Variants in CDH2 observed in about 807,000 individuals in gnomAD.
CDH2 encodes the protein cadherin 2, also known as cadherin-2.
CDH2 carries 17 observed loss-of-function variants against 92.0 expected under a neutral mutation model. The observed-to-expected ratio is 0.18, with a 90% CI of 0.13 to 0.28. CDH2 has a LOEUF of 0.28. Ranked by LOEUF, CDH2 falls within the 10% of genes least tolerant of loss-of-function variation. The probability of loss-of-function intolerance (pLI) is 1.00; values close to 1 mark genes in which losing one functional copy is unlikely to be tolerated. For synonymous variants in CDH2, 419 were observed against 415.9 expected (o/e 1.01, Z -0.09); for missense variants, 862 against 1,133.1 (o/e 0.76, Z 3.44).
chr18:27,988,663 G>A lies in CDH2; in HGVS notation c.1602C>T (p.Tyr534=). Reference sequence around the variant, plus strand: ...AATTGGCAGGATCAGATAATTTAGTGTATCTACAAAATGAAAGTGAAGTTT... The same window carrying A: ...AATTGGCAGGATCAGATAATTTAGTATATCTACAAAATGAAAGTGAAGTTT... The part of the protein sequence containing the change: ...PDRYMQQNIR[Y]TKLSDPANWL... The change falls in exon 11 of 16, where the codon TAC becomes TAT. Residue 534 remains tyrosine (Y), a synonymous_variant. Transcript: ENST00000269141. The A allele has an allele frequency of 2.5e-6, 4 of 1,592,614 alleles. No individual in the cohort carries two copies. The highest frequency in any genetic ancestry group is 3.4e-6 in the Non-Finnish European group (4 of 1,163,294).
intron 10 of CDH2, 28 bp from the exon 11 acceptor site, chr18:27,988,694 C>A: frequency 6.6e-7 from 1 of 1,525,650 alleles, no homozygotes; most frequent in Admixed American, 1.8e-5. Flanking sequence ...AGTTTAATTT[C>A]TTTTTATGAA....
At chr18:28,143,949 A>G (rs948015704) in intron 2 of CDH2, among the ~76,000 whole-genome samples, 17 of 152,078 alleles carry the variant, frequency 1.1e-4, no homozygotes, top group Non-Finnish European at 1.3e-4. Context: ...TTGAAATATG[A>G]GAACACATGG....
Position 28,003,174 on chromosome 18 carries a change from A to T in CDH2, c.848-5T>A, listed in dbSNP as rs1465587161. ...TTACGGTCATCACATATGTTCCTAG[A>T]GACAGTGTACATGGAAAATGAATGG... On this transcript the variant is annotated splice_polypyrimidine_tract_variant and splice_region_variant and intron_variant, in intron 6 of 15. Coordinates refer to ENST00000269141, the MANE Select transcript of CDH2 (RefSeq NM_001792.5). 7 of 1,609,776 alleles carry T rather than the reference A, an allele frequency of 4.3e-6. No individual in the cohort carries two copies. Among genetic ancestry groups the T allele is most frequent in the Non-Finnish European group, 6.0e-6 (7 of 1,176,376 alleles).
At chr18:28,108,987 T>C (rs149949285) in intron 2 of CDH2, among the ~76,000 whole-genome samples, 1 of 152,094 alleles carries the variant, frequency 6.6e-6, no homozygotes, top group East Asian at 1.9e-4. Flanking sequence ...TTAAATACTT[T>C]GACAACACAA....
chr18:28,088,379 G>A (rs1196375425), intron 2 of CDH2, among the ~76,000 whole-genome samples: 2 of 152,096 alleles, frequency 1.3e-5, no homozygotes, highest in Non-Finnish European at 2.9e-5. Flanking sequence ...ACACGCAAAT[G>A]AGTTTTAATG....
chr18:28,103,785 A>C (rs974548269), intron 2 of CDH2, among the ~76,000 whole-genome samples: 1 of 152,030 alleles, frequency 6.6e-6, no homozygotes, highest in Non-Finnish European at 1.5e-5. Flanking sequence ...GTTTGCTCAG[A>C]ATGATGGTTT....
chr18:27,967,978 A>C (rs540103308), intron 14 of CDH2, among the ~76,000 whole-genome samples: 56 of 152,310 alleles, frequency 3.7e-4, no homozygotes, highest in Non-Finnish European at 6.9e-4. Flanking sequence ...GAATCTACAG[A>C]ATTGTATAGT....
At chr18:28,163,459 G>A (rs1343117993) in intron 1 of CDH2, among the ~76,000 whole-genome samples, 1 of 152,148 alleles carries the variant, frequency 6.6e-6, no homozygotes, top group African/African-American at 2.4e-5. Flanking sequence ...AGACTATCAG[G>A]GCTAGGGCCA....
intron 2 of CDH2, among the ~76,000 whole-genome samples, chr18:28,043,816 A>T (rs1030178928): frequency 6.7e-6 from 1 of 150,084 alleles, no homozygotes; most frequent in African/African-American, 2.4e-5. Context: ...TGATCACAGC[A>T]GACTGCTTTA....
At chr18:27,947,430 A>G (rs1909296066), downstream of CDH2, among the ~76,000 whole-genome samples, 2 of 151,876 alleles carry the variant, frequency 1.3e-5, no homozygotes, top group South Asian at 4.1e-4. Flanking sequence ...TCACAATTCA[A>G]TCAAATTTTG....
intron 2 of CDH2, among the ~76,000 whole-genome samples, chr18:28,032,478 A>C (rs2013722833): frequency 6.6e-6 from 1 of 152,146 alleles, no homozygotes; most frequent in Non-Finnish European, 1.5e-5. Context: ...TGTTTTTTAC[A>C]TATGTGTGAA....
chr18:28,048,734 C>T (rs1197949109), intron 2 of CDH2, among the ~76,000 whole-genome samples: 1 of 152,074 alleles, frequency 6.6e-6, no homozygotes, highest in Non-Finnish European at 1.5e-5. Context: ...GCAGCAGTGC[C>T]TTTACTTCAG....
At chr18:28,036,397 C>T (rs2013828599) in intron 2 of CDH2, 3 of 789,894 alleles carry the variant, frequency 3.8e-6, no homozygotes, top group South Asian at 2.8e-5. Context: ...TAAGTCTTCT[C>T]ATTTTATGTT....
Position 27,990,190 on chromosome 18 carries a change from T to G in CDH2, c.1505A>C (p.Lys502Thr). ...AAGCCCTTCTTCTTGGCGAATGATCTTAGGATTGGGGGCAAAATAAGGGTT... is the reference window on the plus strand; with the variant it reads ...AAGCCCTTCTTCTTGGCGAATGATCGTAGGATTGGGGGCAAAATAAGGGTT... Reference protein sequence around the residue: ...NENPYFAPNPKIIRQEEGLHA... With the variant: ...NENPYFAPNPTIIRQEEGLHA... Residue 502 changes from lysine (K) to threonine (T), a missense_variant, in exon 10 of 16, where the codon AAG becomes ACG. Physicochemically the swap from Lys to Thr is moderately conservative, Grantham distance 78 (BLOSUM62 -1). Around this residue, in one of 5 missense-constraint regions of CDH2, gnomAD observed 564 missense variants for 722.2 expected, o/e 0.78. Transcript: ENST00000269141. 1 of 1,614,096 alleles carries G rather than the reference T, an allele frequency of 6.2e-7. No homozygotes were observed. The highest frequency in any genetic ancestry group is 8.5e-7 in the Non-Finnish European group (1 of 1,179,988).
intron 2 of CDH2, among the ~76,000 whole-genome samples, chr18:28,021,854 G>A (rs757220112): frequency 6.6e-6 from 1 of 151,930 alleles, no homozygotes; most frequent in African/African-American, 2.4e-5. Context: ...ATATTTTCAT[G>A]TCTAAGTATC....
intron 14 of CDH2, among the ~76,000 whole-genome samples, chr18:27,974,354 C>T (rs1243629008): frequency 6.6e-6 from 1 of 152,160 alleles, no homozygotes; most frequent in Non-Finnish European, 1.5e-5. Context: ...CTGTTTAGTT[C>T]CCAACAACTG....
intron 2 of CDH2, among the ~76,000 whole-genome samples, chr18:28,036,307 G>A (rs1195301489): frequency 6.6e-6 from 1 of 152,000 alleles, no homozygotes; most frequent in Non-Finnish European, 1.5e-5. Context: ...CTGTGATTAT[G>A]TTTTAGTTTG....
chr18:28,058,237 C>T (rs2014333714), intron 2 of CDH2, among the ~76,000 whole-genome samples: 1 of 152,200 alleles, frequency 6.6e-6, no homozygotes, highest in Non-Finnish European at 1.5e-5. Context: ...ATTTTTATAG[C>T]TAAAACAAGC....
chr18:27,992,610 T>G lies in CDH2; in HGVS notation c.1344+45A>C, dbSNP rs201469115. The stretch of plus-strand genomic sequence containing the variant: ...TGAGTGGGGGACATATATTGGTCCT[T>G]GCTGAGCAGCTGTTGGAGAGATCAG... On this transcript the variant is annotated intron_variant, in intron 9 of 15. Coordinates refer to ENST00000269141, the MANE Select transcript of CDH2 (RefSeq NM_001792.5). The G allele has an allele frequency of 2.0e-6, 3 of 1,528,344 alleles. No individual in the cohort carries two copies. The African/African-American group carries it at 4.1e-5, about 21-fold the overall frequency. 94.7% of individuals were successfully genotyped at this position (1,528,344 alleles called of 1,614,324 possible).
Sources: gnomAD v4.1 joint callset for allele counts (sites outside exome capture counted in the v4.1 genomes callset) on GRCh38, gnomAD v4.1.1 for gene constraint, gnomAD v4.1.1 regional missense constraint, MANE v1.5 for transcripts, NCBI Gene and HGNC (gene_info 2026-07-23, HGNC 2026-07-21) for gene names.